Variants in ZC3HC1 observed in about 807,000 individuals in gnomAD.
The protein encoded by ZC3HC1 is zinc finger C3HC-type containing 1, also known as zinc finger C3HC-type protein 1.
In ZC3HC1, 38 loss-of-function variants were observed where a neutral mutation model predicts 61.9. That is an observed-to-expected ratio of 0.61 (90% confidence interval 0.47 to 0.81). ZC3HC1 has a LOEUF of 0.81. ZC3HC1 is among the 30% of genes least tolerant of loss of function. The probability of loss-of-function intolerance (pLI) is 0.00; values close to 1 mark genes in which losing one functional copy is unlikely to be tolerated. For synonymous variants in ZC3HC1, 213 were observed against 229.9 expected (o/e 0.93, Z 0.67); for missense variants, 554 against 622.7 (o/e 0.89, Z 1.17).
chr7:130,040,497 C>CAAAAAAAAAAAAAAAAAAAAAAAAAAA (rs35982469), intron 3 of ZC3HC1, among the ~76,000 whole-genome samples: 1 of 44,178 alleles, frequency 2.3e-5, no homozygotes, highest in Non-Finnish European at 4.7e-5. Context: ...GACTCCGTCT[C>CAAAAAAAAAAAAAAAAAAAAAAAAAAA]AAAAAAAAAA....
At chr7:130,021,543 C>T (rs1260487730) in intron 9 of ZC3HC1, among the ~76,000 whole-genome samples, 2 of 152,194 alleles carry the variant, frequency 1.3e-5, no homozygotes, top group African/African-American at 4.8e-5. Flanking sequence ...AGCAGAGTCA[C>T]AGTCTGGGCT....
At chr7:130,045,371 C>T in intron 2 of ZC3HC1, 2 of 409,752 alleles carry the variant, frequency 4.9e-6, no homozygotes, top group South Asian at 3.4e-5. Flanking sequence ...AAGCAGAAGA[C>T]GTGGTGTGGT....
At chr7:130,051,139 G>T in intron 1 of ZC3HC1, 82 bp downstream of exon 1, 1 of 1,505,492 alleles carries the variant, frequency 6.6e-7, no homozygotes, top group Non-Finnish European at 8.8e-7. Flanking sequence ...CGACCGAGGG[G>T]AACCTCCCCC....
At chr7:130,040,874 C>A in intron 3 of ZC3HC1, 77 bp downstream of exon 3, 5 of 1,403,416 alleles carry the variant, frequency 3.6e-6, no homozygotes, top group Non-Finnish European at 4.7e-6. Flanking sequence ...CTAAAATGAC[C>A]TTTTTTCCCC....
intron 4 of ZC3HC1, among the ~76,000 whole-genome samples, chr7:130,031,488 T>C (rs576846190): frequency 2.8e-4 from 42 of 152,144 alleles, no homozygotes; most frequent in Admixed American, 1.0e-3. Flanking sequence ...TAGAACATTA[T>C]ACTGTCGCAG....
intron 1 of ZC3HC1, among the ~76,000 whole-genome samples, chr7:130,049,552 T>G (rs1013474239): frequency 6.6e-6 from 1 of 151,796 alleles, no homozygotes; most frequent in Non-Finnish European, 1.5e-5. Flanking sequence ...AATTCGACTT[T>G]TTTTTTTTTT....
At chr7:130,051,142 C>A in intron 1 of ZC3HC1, 79 bp downstream of exon 1, 1 of 1,508,530 alleles carries the variant, frequency 6.6e-7, no homozygotes. Context: ...CCGAGGGGAA[C>A]CTCCCCCAAC....
At chr7:130,041,187 C>T in intron 2 of ZC3HC1, 86 bp from the exon 3 acceptor site, 2 of 1,390,124 alleles carry the variant, frequency 1.4e-6, no homozygotes, top group Non-Finnish European at 1.9e-6. Context: ...TATACACATA[C>T]TGTTTTTTTT....
At chr7:130,043,940 A>G in intron 2 of ZC3HC1, 1 of 430,752 alleles carries the variant, frequency 2.3e-6, no homozygotes, top group South Asian at 1.7e-5. Flanking sequence ...AGGGAAAAAT[A>G]GGGAAAAGGA....
At chr7:130,047,521 C>CG (rs1434834250) in intron 2 of ZC3HC1, among the ~76,000 whole-genome samples, 1 of 152,054 alleles carries the variant, frequency 6.6e-6, no homozygotes, top group Non-Finnish European at 1.5e-5. Flanking sequence ...GACAGAAATT[C>CG]GGGGCCAGGT....
chr7:130,049,959 A>T (rs568317130), intron 1 of ZC3HC1, among the ~76,000 whole-genome samples: 7 of 147,512 alleles, frequency 4.7e-5, no homozygotes, highest in African/African-American at 1.7e-4. Context: ...AATTCGAATC[A>T]AAGATCTTCG....
chr7:130,050,323 C>G (rs1795028341), intron 1 of ZC3HC1: 1 of 1,078,864 alleles, frequency 9.3e-7, no homozygotes, highest in Non-Finnish European at 1.3e-6. Context: ...GTGATCTGCC[C>G]GCTTCAGCCT....
Position 130,028,970 on chromosome 7 carries a change from G to T in ZC3HC1, c.553C>A (p.Arg185Ser), listed in dbSNP as rs143076145. Residue 185 changes from arginine (R) to serine (S), a missense_variant, in exon 5 of 10, where the codon CGT (arginine) becomes AGT (serine). Transcript: ENST00000358303. ...PAILVSEFLD[R>S]FQSLCHLDLQ... ...TCCAAGTGACAAAGGCTTTGAAAAC[G>T]ATCTAGGAATTCACTAACAAGAATA... 1.9e-6 allele frequency: 3 copies of T among 1,613,792 alleles called. No individual in the cohort carries two copies. In the East Asian group the frequency reaches 6.7e-5, roughly 36 times the overall value.
intron 9 of ZC3HC1, among the ~76,000 whole-genome samples, chr7:130,021,577 C>T (rs1012682671): frequency 6.6e-6 from 1 of 152,128 alleles, no homozygotes; most frequent in Non-Finnish European, 1.5e-5. Context: ...AAGTAATGTG[C>T]CCAGCGTGCG....
chr7:130,043,311 ACAAAGCACAG>A (rs1794749800), intron 2 of ZC3HC1: 1 of 152,288 alleles, frequency 6.6e-6, no homozygotes, highest in Non-Finnish European at 1.5e-5. Flanking sequence ...CTCTTATTTC[ACAAAGCACAG>A]TAAAAAAAAA....
chr7:130,044,285 G>C (rs1306943532), intron 2 of ZC3HC1, among the ~76,000 whole-genome samples: 2 of 152,156 alleles, frequency 1.3e-5, no homozygotes, highest in Non-Finnish European at 2.9e-5. Flanking sequence ...CTCCCAAAGT[G>C]CTGGGATTAC....
chr7:130,043,332 A>G (rs918156458), intron 2 of ZC3HC1: 2 of 152,358 alleles, frequency 1.3e-5, no homozygotes, highest in African/African-American at 4.8e-5. Flanking sequence ...TAAAAAAAAA[A>G]GGATAAAATA....
intron 5 of ZC3HC1, 193 bp from the exon 6 acceptor site, chr7:130,026,505 C>G: frequency 2.1e-6 from 1 of 476,100 alleles, no homozygotes; most frequent in Middle Eastern, 5.8e-4. Context: ...CTGAATTGCC[C>G]TGAATCTGCT....
intron 1 of ZC3HC1, among the ~76,000 whole-genome samples, chr7:130,050,226 G>C (rs1008037377): frequency 2.6e-5 from 4 of 151,786 alleles, no homozygotes; most frequent in South Asian, 2.1e-4. Flanking sequence ...TACAGGCGCG[G>C]GCCACCACGC....
Sources: allele counts gnomAD v4.1 joint callset (sites outside exome capture counted in the v4.1 genomes callset), GRCh38; gene constraint gnomAD v4.1.1; transcripts MANE v1.5; gene names NCBI Gene and HGNC (gene_info 2026-07-23, HGNC 2026-07-21).